The following KLF12 variants were observed in gnomAD, a reference collection of about 807,000 sequenced individuals.
KLF12 encodes the protein Krueppel-like factor 12.
Under a neutral mutation model 37.8 loss-of-function variants are expected in KLF12, and 9 were observed. That is an observed-to-expected ratio of 0.24 (90% CI 0.14 to 0.42). The LOEUF (loss-of-function observed/expected upper bound fraction) is 0.42, where lower values mean the gene tolerates loss of function less well. KLF12 is among the 10% of genes least tolerant of loss of function. KLF12 has a pLI of 1.00. For missense variants in KLF12, 411 were observed against 516.0 expected, an observed-to-expected ratio of 0.80 and a Z score of 1.97; for synonymous variants, 208 against 202.1, an observed-to-expected ratio of 1.03 and a Z score of -0.25.
At chr13:73,701,433 T>A (rs1290473500) in intron 7 of KLF12, among the ~76,000 whole-genome samples, 1 of 152,218 alleles carries the variant, frequency 6.6e-6, no homozygotes, top group East Asian at 1.9e-4. Context: ...CTTCTTTGCT[T>A]CTTTTGTCTA....
upstream of KLF12, among the ~76,000 whole-genome samples, chr13:74,134,708 G>A (rs1471783501): frequency 6.6e-6 from 1 of 152,100 alleles, no homozygotes; most frequent in Non-Finnish European, 1.5e-5. Flanking sequence ...CCCCTGGAGA[G>A]CAACTCGCTG....
chr13:74,198,655 T>C, the KLF12 span, among the ~76,000 whole-genome samples: 5 of 152,214 alleles, frequency 3.3e-5, no homozygotes, highest in Non-Finnish European at 7.3e-5. Flanking sequence ...TAGTATTTTT[T>C]ATTGTATTTT....
the KLF12 span, among the ~76,000 whole-genome samples, chr13:74,152,426 C>A: frequency 6.6e-6 from 1 of 152,126 alleles, no homozygotes; most frequent in African/African-American, 2.4e-5. Flanking sequence ...CGTACCCCAC[C>A]ATATTTGCAT....
In KLF12 at chr13:74,104,040, G is replaced by T. The variant is rs541437487; in HGVS notation, c.-32+29699C>A. Among the ~76,000 whole-genome samples, 160 of 152,240 alleles carry T rather than the reference G, an allele frequency of 1.1e-3. 1 individual carries two copies. The highest frequency in any genetic ancestry group is 3.7e-3 in the African/African-American group (153 of 41,538). On this transcript the variant is annotated intron_variant, in intron 1 of 7. Transcript: ENST00000377669. ...CTTAATTTTTCCACTGGGAATAATG[G>T]GTTATAAAATTTTATCCTGTATTAA...
At chr13:73,876,793 TC>T (rs1328781988) in intron 3 of KLF12, among the ~76,000 whole-genome samples, 2 of 152,080 alleles carry the variant, frequency 1.3e-5, no homozygotes, top group African/African-American at 4.8e-5. Flanking sequence ...AGTGGGCAGA[TC>T]ATCTGGGGTC....
intron 4 of KLF12, among the ~76,000 whole-genome samples, chr13:73,842,340 C>A (rs1297497350): frequency 1.3e-5 from 2 of 152,208 alleles, no homozygotes; most frequent in Non-Finnish European, 2.9e-5. Context: ...CTATTTTAGT[C>A]CAACTCTGTC....
intron 5 of KLF12, chr13:73,812,894 CAGG>C: frequency 3.1e-6 from 1 of 318,634 alleles, no homozygotes; most frequent in Non-Finnish European, 5.7e-6. Flanking sequence ...TTGCAGAGTT[CAGG>C]AGAAGGGTGC....
chr13:74,194,332 T>C, the KLF12 span, among the ~76,000 whole-genome samples: 1 of 152,202 alleles, frequency 6.6e-6, no homozygotes, highest in African/African-American at 2.4e-5. Context: ...TCTTAGTCTG[T>C]TTGCGCTGCT....
At chr13:73,906,939 A>G (rs1012844124) in intron 3 of KLF12, among the ~76,000 whole-genome samples, 1 of 152,164 alleles carries the variant, frequency 6.6e-6, no homozygotes, top group Admixed American at 6.5e-5. Flanking sequence ...TAGGTATTCA[A>G]ATAGTGATGT....
intron 4 of KLF12, among the ~76,000 whole-genome samples, chr13:73,843,728 A>G (rs193195425): frequency 5.9e-5 from 9 of 152,332 alleles, no homozygotes; most frequent in Admixed American, 2.6e-4. Context: ...TTACATAGGT[A>G]TAAGTGACAG....
At chr13:74,142,405 A>T in the KLF12 span, among the ~76,000 whole-genome samples, 2 of 152,208 alleles carry the variant, frequency 1.3e-5, no homozygotes, top group African/African-American at 2.4e-5. Flanking sequence ...AGAAAGACAA[A>T]CTGATTGCTG....
At chr13:74,082,513 A>C (rs1407556474) in intron 1 of KLF12, among the ~76,000 whole-genome samples, 2 of 151,860 alleles carry the variant, frequency 1.3e-5, no homozygotes, top group Admixed American at 1.3e-4. Context: ...GTTCTCCCCA[A>C]CCCTTTTTTT....
In KLF12 at chr13:73,930,825, A is replaced by C. The variant is rs77879698; in HGVS notation, c.123+13156T>G. Among the ~76,000 whole-genome samples the C allele has an allele frequency of 5.5e-3, 835 of 150,740 alleles. 2 individuals are homozygous for C. The highest frequency in any genetic ancestry group is 0.019 in the African/African-American group (790 of 41,070). Reference sequence around the variant, plus strand: ...TACTTTGGAGCATCATTAATGTTAAATCTTTTTTCAACATCTATGTGAATA... The same window carrying C: ...TACTTTGGAGCATCATTAATGTTAACTCTTTTTTCAACATCTATGTGAATA... On this transcript the variant is annotated intron_variant, in intron 3 of 7. Transcript: ENST00000377669.
the KLF12 span, among the ~76,000 whole-genome samples, chr13:74,155,320 T>C: frequency 6.6e-6 from 1 of 152,176 alleles, no homozygotes; most frequent in African/African-American, 2.4e-5. Flanking sequence ...AAGTCAGTTA[T>C]ATATAGCTCC....
At chr13:73,878,342 A>C (rs1886816333) in intron 3 of KLF12, among the ~76,000 whole-genome samples, 3 of 152,246 alleles carry the variant, frequency 2.0e-5, no homozygotes. Flanking sequence ...TGGGCCAAAA[A>C]GACATAAAAT....
chr13:73,706,025 A>G (rs1874912520), intron 7 of KLF12, among the ~76,000 whole-genome samples: 1 of 152,132 alleles, frequency 6.6e-6, no homozygotes, highest in Non-Finnish European at 1.5e-5. Flanking sequence ...GGTGGCACAC[A>G]CTTGTAGTCC....
chr13:74,175,908 GCTAT>G, the KLF12 span, among the ~76,000 whole-genome samples: 1 of 152,038 alleles, frequency 6.6e-6, no homozygotes, highest in Non-Finnish European at 1.5e-5. Flanking sequence ...AACTCCTTGG[GCTAT>G]CTATTCTTTC....
chr13:73,892,870 T>C (rs1566442154), intron 3 of KLF12, among the ~76,000 whole-genome samples: 2 of 152,216 alleles, frequency 1.3e-5, no homozygotes, highest in East Asian at 3.8e-4. Flanking sequence ...AGGGTGAAGC[T>C]ACTACTCTTT....
At chr13:74,130,421 C>G (rs1046521224) in intron 1 of KLF12, among the ~76,000 whole-genome samples, 7 of 152,250 alleles carry the variant, frequency 4.6e-5, no homozygotes, top group Middle Eastern at 3.4e-3. Flanking sequence ...ATAATCCCAG[C>G]ACTTTGGCAG....
Sources: gnomAD v4.1 joint callset for allele counts (sites outside exome capture counted in the v4.1 genomes callset) on GRCh38, gnomAD v4.1.1 for gene constraint, MANE v1.5 for transcripts, NCBI Gene and HGNC (gene_info 2026-07-23, HGNC 2026-07-21) for gene names.